The following GALNTL6 variants were observed in gnomAD, a reference collection of about 807,000 sequenced individuals.
The protein encoded by GALNTL6 is polypeptide N-acetylgalactosaminyltransferase like 6.
A neutral mutation model predicts 73.7 loss-of-function variants in GALNTL6; 46 were observed. The ratio of observed to expected loss-of-function variants is 0.62; its 90% CI spans 0.49 to 0.80. The LOEUF (loss-of-function observed/expected upper bound fraction) is 0.80. GALNTL6 is among the 30% of genes least tolerant of loss of function. The pLI, the probability that GALNTL6 is intolerant of heterozygous loss-of-function variation, is 0.00. For synonymous variants in GALNTL6, 259 were observed against 263.7 expected, an observed-to-expected ratio of 0.98 and a Z score of 0.17; for missense variants, 604 against 755.0, an observed-to-expected ratio of 0.80 and a Z score of 2.34.
Position 172,274,947 on chromosome 4 carries a change from C to T in GALNTL6, c.248-36667C>T, listed in dbSNP as rs552630629. On this transcript the variant is annotated intron_variant, in intron 3 of 12. Transcript: ENST00000506823. ...GAATCTTTTACATTTGTGTAAAAAC[C>T]GTAGTAAAATTGAGATTACCTGGGT... Among the ~76,000 whole-genome samples the T allele has an allele frequency of 7.2e-4, 109 of 152,160 alleles. 2 individuals carry two copies. The South Asian group carries it at 0.012, about 17-fold the overall frequency.
chr4:172,493,392 A>G (rs1013352960), intron 5 of GALNTL6, among the ~76,000 whole-genome samples: 2 of 152,202 alleles, frequency 1.3e-5, no homozygotes, highest in African/African-American at 4.8e-5. Context: ...AAACTAAAAG[A>G]TATTCACTTT....
At chr4:172,958,716 G>A (rs1749882351) in intron 10 of GALNTL6, among the ~76,000 whole-genome samples, 1 of 152,162 alleles carries the variant, frequency 6.6e-6, no homozygotes, top group Non-Finnish European at 1.5e-5. Flanking sequence ...CTGAAGTAAT[G>A]GGGGCTGTCT....
chr4:172,152,573 G>A (rs964570453), intron 2 of GALNTL6, among the ~76,000 whole-genome samples: 6 of 152,158 alleles, frequency 3.9e-5, no homozygotes, highest in African/African-American at 1.2e-4. Context: ...AATGAGTAAC[G>A]AAGAAAAGAT....
intron 2 of GALNTL6, among the ~76,000 whole-genome samples, chr4:172,105,969 A>C (rs1732663097): frequency 6.6e-6 from 1 of 152,190 alleles, no homozygotes; most frequent in Non-Finnish European, 1.5e-5. Context: ...TAAAAATGAA[A>C]GTTGGTGCTG....
rs1245554933 is a variant in GALNTL6, at chr4:172,229,653, C to G, written c.139-3C>G. The G allele has an allele frequency of 6.3e-7, 1 of 1,599,906 alleles. No individual in the cohort carries two copies. The highest frequency in any genetic ancestry group is 1.3e-5 in the African/African-American group (1 of 74,702). On this transcript the variant is annotated splice_polypyrimidine_tract_variant and splice_region_variant and intron_variant, in intron 2 of 12. Transcript: ENST00000506823. ...TATGCTTGAATACTTTCCTTTTCCACAGACATTTCCACTGGGCCTGGGAGA... is the reference window on the plus strand; with the variant it reads ...TATGCTTGAATACTTTCCTTTTCCAGAGACATTTCCACTGGGCCTGGGAGA...
chr4:172,395,681 A>T (rs1262360109), intron 5 of GALNTL6, among the ~76,000 whole-genome samples: 1 of 152,188 alleles, frequency 6.6e-6, no homozygotes, highest in Non-Finnish European at 1.5e-5. Flanking sequence ...GAAAAAGAAT[A>T]ATCCCTGAAC....
intron 4 of GALNTL6, among the ~76,000 whole-genome samples, chr4:172,320,453 C>T (rs1029957907): frequency 3.3e-5 from 5 of 152,274 alleles, no homozygotes; most frequent in African/African-American, 9.6e-5. Context: ...TTCTTTGCAA[C>T]GTTGCATAGA....
At chr4:172,378,335 A>G (rs1348151152) in intron 5 of GALNTL6, among the ~76,000 whole-genome samples, 1 of 152,158 alleles carries the variant, frequency 6.6e-6, no homozygotes, top group Non-Finnish European at 1.5e-5. Flanking sequence ...TTCAGCCTCT[A>G]TTTCCATGTT....
chr4:172,050,108 T>C (rs1443641533), intron 2 of GALNTL6, among the ~76,000 whole-genome samples: 2 of 152,176 alleles, frequency 1.3e-5, no homozygotes, highest in African/African-American at 2.4e-5. Flanking sequence ...GGCTGGACTT[T>C]AGTAGTGGTA....
At chr4:172,974,858 G>T (rs1750736540) in intron 10 of GALNTL6, among the ~76,000 whole-genome samples, 1 of 152,248 alleles carries the variant, frequency 6.6e-6, no homozygotes, top group Non-Finnish European at 1.5e-5. Flanking sequence ...CAAGGCTGCA[G>T]CTGCACCAGG....
rs562018020 is a variant in GALNTL6 at position 171,837,537 on chromosome 4, G to T, written c.138+22819G>T. Among the ~76,000 whole-genome samples, 55 of 134,706 alleles carry T rather than the reference G, an allele frequency of 4.1e-4. 2 individuals are homozygous for T. The South Asian group carries it at 0.012, about 29-fold the overall frequency. The allele number at this position is 134,706 out of a possible 152,430, so 88.4% of individuals were successfully genotyped here. A position where few individuals can be genotyped will look rare whatever the true frequency, so the allele number is the denominator to read the frequency against. ...CTTGTTAGCAACTTCATACTAAATG[G>T]TTCAGAAAAAAAAATATATAAATAC... On this transcript the variant is annotated intron_variant, in intron 2 of 12. Transcript: ENST00000506823.
At chr4:171,878,003 C>G (rs1027859920) in intron 2 of GALNTL6, among the ~76,000 whole-genome samples, 1 of 152,156 alleles carries the variant, frequency 6.6e-6, no homozygotes, top group Non-Finnish European at 1.5e-5. Context: ...TCACATCAAA[C>G]ATTATTCTGT....
intron 5 of GALNTL6, among the ~76,000 whole-genome samples, chr4:172,725,583 C>CTA (rs1735748506): frequency 6.6e-6 from 1 of 152,108 alleles, no homozygotes; most frequent in Non-Finnish European, 1.5e-5. Context: ...GACTATATTC[C>CTA]TAACTTAAGA....
chr4:172,825,342 T>C (rs1428956222), intron 7 of GALNTL6, among the ~76,000 whole-genome samples: 1 of 152,048 alleles, frequency 6.6e-6, no homozygotes, highest in Admixed American at 6.6e-5. Context: ...GGTTGGCCAC[T>C]CCAGGTTGCA....
intron 9 of GALNTL6, among the ~76,000 whole-genome samples, chr4:172,938,561 G>T (rs1748746578): frequency 6.6e-6 from 1 of 152,186 alleles, no homozygotes; most frequent in African/African-American, 2.4e-5. Context: ...TGGTGGTGAT[G>T]AATGGGAAAT....
intron 10 of GALNTL6, among the ~76,000 whole-genome samples, chr4:172,965,241 A>G (rs914562851): frequency 2.0e-4 from 31 of 152,208 alleles, no homozygotes; most frequent in African/African-American, 7.5e-4. Flanking sequence ...GTGCTTTCTG[A>G]GTTTTCAACA....
chr4:172,057,333 G>T (rs560779610), intron 2 of GALNTL6, among the ~76,000 whole-genome samples: 90 of 152,002 alleles, frequency 5.9e-4, no homozygotes, highest in African/African-American at 2.1e-3. Flanking sequence ...AGGATCACTT[G>T]AGCCCAGGAG....
rs552676304 is a variant in GALNTL6 at position 172,552,326 on chromosome 4, T to G, written c.553+203637T>G. On this transcript the variant is annotated intron_variant, in intron 5 of 12. Coordinates refer to ENST00000506823, the MANE Select transcript of GALNTL6 (RefSeq NM_001034845.3). ...CATCTAAAATTATGTTCTTCAAAGT[T>G]TTGGTAGCTAAATCGGAAAGTTCTA... is the stretch of plus-strand genomic sequence containing the variant. Among the ~76,000 whole-genome samples, 7 of 152,272 alleles carry G rather than the reference T, an allele frequency of 4.6e-5. No individual in the cohort carries two copies. In the East Asian group the frequency reaches 1.4e-3, roughly 29 times the overall value.
At position 172,782,474 on chromosome 4, in the gene GALNTL6, T is replaced by C. The variant is rs140549581; in HGVS notation, c.554-26887T>C. ...GAATTCAGAAGCCTCCATTTTACTG[T>C]CTTTTTCATTGGACAGGTATTATCA... On this transcript the variant is annotated intron_variant, in intron 5 of 12. Transcript: ENST00000506823. Among the ~76,000 whole-genome samples, 3 of 152,252 alleles carry C rather than the reference T, an allele frequency of 2.0e-5. No individual in the cohort carries two copies. The East Asian group carries it at 5.8e-4, about 29-fold the overall frequency.
Sources: gnomAD v4.1 joint callset for allele counts (sites outside exome capture counted in the v4.1 genomes callset) on GRCh38, gnomAD v4.1.1 for gene constraint, MANE v1.5 for transcripts, NCBI Gene and HGNC (gene_info 2026-07-23, HGNC 2026-07-21) for gene names.